The following TBC1D12 variants were observed in gnomAD, a reference collection of about 807,000 sequenced individuals.
TBC1D12 encodes the protein TBC1 domain family, member 12.
Under a neutral mutation model 86.7 loss-of-function variants are expected in TBC1D12, and 56 were observed. The ratio of observed to expected loss-of-function variants is 0.65; its 90% CI spans 0.52 to 0.81. The LOEUF is 0.81. Among genes scored for constraint, TBC1D12 ranks in the 30% least tolerant of loss-of-function variants. The pLI is 0.00. For missense variants in TBC1D12, 1,023 were observed against 1,038.8 expected (o/e 0.98, Z 0.21); for synonymous variants, 421 against 411.7 (o/e 1.02, Z -0.27).
At chr10:94,506,928 G>T (rs1261829133) in intron 6 of TBC1D12, among the ~76,000 whole-genome samples, 1 of 152,136 alleles carries the variant, frequency 6.6e-6, no homozygotes, top group Non-Finnish European at 1.5e-5. Flanking sequence ...AAGTCCCTCA[G>T]ATAGTAAATG....
intron 2 of TBC1D12, among the ~76,000 whole-genome samples, chr10:94,444,423 C>T (rs1315928527): frequency 6.6e-6 from 1 of 151,984 alleles, no homozygotes; most frequent in East Asian, 1.9e-4. Context: ...AGTTTTAGCT[C>T]CTTTTTTTTT....
intron 2 of TBC1D12, 77 bp downstream of exon 2, chr10:94,442,096 T>C (rs1350248990): frequency 7.4e-7 from 1 of 1,344,250 alleles, no homozygotes; most frequent in Middle Eastern, 1.9e-4. Context: ...TTTTTTTTTT[T>C]TTTAAACTAA....
At chr10:94,406,564 A>AT (rs1443829363) in intron 1 of TBC1D12, among the ~76,000 whole-genome samples, 1 of 152,228 alleles carries the variant, frequency 6.6e-6, no homozygotes, top group Non-Finnish European at 1.5e-5. Context: ...ATTGGGTTGA[A>AT]TAGGTAGCTT....
At chr10:94,437,226 G>A (rs1022135039) in intron 1 of TBC1D12, among the ~76,000 whole-genome samples, 2 of 152,050 alleles carry the variant, frequency 1.3e-5, no homozygotes, top group Admixed American at 6.6e-5. Context: ...TGACTATAAT[G>A]TATCTCAGTG....
At chr10:94,521,188 C>A in intron 9 of TBC1D12, among the ~76,000 whole-genome samples, 1 of 129,530 alleles carries the variant, frequency 7.7e-6, no homozygotes. Flanking sequence ...GCCTAGGTGA[C>A]TTGAGTGAGA....
At position 94,419,683 on chromosome 10, in the gene TBC1D12, C is replaced by T. The variant is rs1440378587; in HGVS notation, c.971+16099C>T. Among the ~76,000 whole-genome samples, 9 of 152,090 alleles carry T rather than the reference C, an allele frequency of 5.9e-5. 1 individual carries two copies. Among genetic ancestry groups the T allele is most frequent in the Admixed American group, 5.2e-4 (8 of 15,264 alleles). ...GACTCTGTCTCAGGGAAAAAAAAGA[C>T]AAACTTAGAAGCAGCTCATATAGAA... On this transcript the variant is annotated intron_variant, in intron 1 of 12. Coordinates refer to ENST00000225235, the MANE Select transcript of TBC1D12 (RefSeq NM_015188.2).
Position 94,474,760 on chromosome 10 carries a change from C to T in TBC1D12, c.1188C>T (p.Ala396=). The part of the protein sequence containing the change: ...NFEFEPLSTT[A]LILEDRPSNL... ...AATTTGAGCCGCTTTCTACCACTGC[C>T]TTGATTCTTGAGGATCGACCATCGT... is the stretch of plus-strand genomic sequence containing the variant. Residue 396 remains alanine (A), a synonymous_variant, in exon 3 of 13, where the codon GCC becomes GCT. Transcript: ENST00000225235. 6.2e-7 allele frequency: 1 copy of T among 1,614,014 alleles called. No homozygotes were observed. Among genetic ancestry groups the T allele is most frequent in the Non-Finnish European group, 8.5e-7 (1 of 1,179,962 alleles).
intron 1 of TBC1D12, among the ~76,000 whole-genome samples, chr10:94,404,496 A>G (rs2054823358): frequency 6.6e-6 from 1 of 151,788 alleles, no homozygotes; most frequent in Non-Finnish European, 1.5e-5. Context: ...AAATACAAAA[A>G]TTAGCCAGGC....
chr10:94,465,653 A>AT (rs1176814157), intron 2 of TBC1D12, among the ~76,000 whole-genome samples: 1,190 of 82,466 alleles, frequency 0.014, 16 homozygotes, highest in African/African-American at 0.048. Context: ...CCTAAAAAAA[A>AT]AAATATATAT....
chr10:94,483,248 T>C (rs576281906), intron 3 of TBC1D12, among the ~76,000 whole-genome samples: 1 of 152,294 alleles, frequency 6.6e-6, no homozygotes, highest in East Asian at 1.9e-4. Context: ...TCTTTGATGT[T>C]CTGATTGCCT....
intron 3 of TBC1D12, among the ~76,000 whole-genome samples, chr10:94,479,448 C>G (rs2056044959): frequency 6.6e-6 from 1 of 151,720 alleles, no homozygotes; most frequent in Non-Finnish European, 1.5e-5. Context: ...CTTTGTAATT[C>G]TAGGAAGTAC....
In TBC1D12 at chr10:94,499,486, G is replaced by A. The variant is rs556978629; in HGVS notation, c.1413-735G>A. Among the ~76,000 whole-genome samples, 103 of 152,184 alleles carry A rather than the reference G, an allele frequency of 6.8e-4. 1 individual carries two copies. The highest frequency in any genetic ancestry group is 1.1e-3 in the Non-Finnish European group (72 of 68,036). ...TTCATCTGTGTTGTTGCAAATGACA[G>A]AATTTCTTTCTTATTGCCTTTTTAC... is the stretch of plus-strand genomic sequence containing the variant. On this transcript the variant is annotated intron_variant, in intron 5 of 12. Coordinates refer to ENST00000225235, the MANE Select transcript of TBC1D12 (RefSeq NM_015188.2).
chr10:94,515,645 G>A (rs532713651), intron 9 of TBC1D12, among the ~76,000 whole-genome samples: 11 of 152,238 alleles, frequency 7.2e-5, no homozygotes, highest in African/African-American at 2.6e-4. Flanking sequence ...CACCCTGCCC[G>A]GCCTATGTAG....
intron 4 of TBC1D12, 98 bp downstream of exon 4, chr10:94,493,545 T>C: frequency 1.1e-6 from 1 of 908,384 alleles, no homozygotes; most frequent in South Asian, 1.6e-5. Context: ...TACTGAATTC[T>C]TTTTTTTATT....
intron 2 of TBC1D12, among the ~76,000 whole-genome samples, chr10:94,453,777 A>T (rs992004990): frequency 2.0e-4 from 31 of 152,180 alleles, no homozygotes; most frequent in African/African-American, 7.0e-4. Flanking sequence ...AACCATTTTG[A>T]GTTAATTTTT....
chr10:94,520,448 G>A (rs1335164466), intron 9 of TBC1D12, among the ~76,000 whole-genome samples: 1 of 152,084 alleles, frequency 6.6e-6, no homozygotes, highest in Admixed American at 6.6e-5. Flanking sequence ...CTACTCGGGA[G>A]GCTGAGGCAG....
chr10:94,480,475 A>C (rs1480071453), intron 3 of TBC1D12, among the ~76,000 whole-genome samples: 2 of 152,084 alleles, frequency 1.3e-5, no homozygotes. Context: ...CAACTAGCCA[A>C]CACAATAGGT....
At chr10:94,485,490 T>A (rs1012228909) in intron 3 of TBC1D12, among the ~76,000 whole-genome samples, 1 of 152,024 alleles carries the variant, frequency 6.6e-6, no homozygotes, top group East Asian at 1.9e-4. Flanking sequence ...TTGCTAGTAT[T>A]TTGTTGAGGA....
chr10:94,448,201 T>C (rs765044005), intron 2 of TBC1D12, among the ~76,000 whole-genome samples: 2 of 152,206 alleles, frequency 1.3e-5, no homozygotes, highest in Non-Finnish European at 2.9e-5. Flanking sequence ...TTGAAATTTT[T>C]TACTGCAGGA....
Sources: allele counts gnomAD v4.1 joint callset (sites outside exome capture counted in the v4.1 genomes callset), GRCh38; gene constraint gnomAD v4.1.1; transcripts MANE v1.5; gene names NCBI Gene and HGNC (gene_info 2026-07-23, HGNC 2026-07-21).